The following CLCN5 variants were observed in gnomAD, a reference collection of about 807,000 sequenced individuals.
CLCN5 encodes H(+)/Cl(-) exchange transporter 5.
CLCN5 carries 17 observed loss-of-function variants against 54.0 expected under a neutral mutation model. The ratio of observed to expected loss-of-function variants is 0.31; its 90% CI spans 0.22 to 0.47. CLCN5 has a LOEUF of 0.47. Among genes scored for constraint, CLCN5 ranks in the 20% least tolerant of loss-of-function variants. CLCN5 has a pLI of 1.00. For synonymous variants in CLCN5, 222 were observed against 233.0 expected (o/e 0.95, Z 0.43); for missense variants, 448 against 646.7 (o/e 0.69, Z 3.33).
At chrX:49,990,502 T>C (rs1230467862) in intron 3 of CLCN5, among the ~76,000 whole-genome samples, 1 of 107,592 alleles carries the variant, frequency 9.3e-6, no homozygotes, top group African/African-American at 3.4e-5. Flanking sequence ...CAGTGATGCA[T>C]TCTTGGCTCA....
chrX:49,925,098 G>T, intron 2 of CLCN5, 73 bp from the exon 3 acceptor site: 1 of 471,145 alleles, frequency 2.1e-6, no homozygotes. Flanking sequence ...TCAGAGAGGA[G>T]CAGGAGATAA....
chrX:50,079,686 C>T (rs140460156), intron 7 of CLCN5, among the ~76,000 whole-genome samples: 1,551 of 111,362 alleles, frequency 0.014, 24 homozygotes, highest in African/African-American at 0.048. Flanking sequence ...GTTCCTGAGT[C>T]TGTGGTACCA....
chrX:49,953,344 C>T (rs962740015), intron 3 of CLCN5, among the ~76,000 whole-genome samples: 4 of 111,822 alleles, frequency 3.6e-5, no homozygotes, highest in African/African-American at 1.3e-4. Context: ...CTCACTCTGT[C>T]GCCCAAGCTG....
chrX:50,086,204 G>T, intron 10 of CLCN5, 124 bp from the exon 11 acceptor site: 1 of 903,220 alleles, frequency 1.1e-6, no homozygotes. Context: ...GCTTTACCAT[G>T]TGACTAGAAA....
At chrX:49,998,781 G>T (rs1929653401) in intron 3 of CLCN5, among the ~76,000 whole-genome samples, 1 of 110,993 alleles carries the variant, frequency 9.0e-6, no homozygotes, top group Non-Finnish European at 1.9e-5. Flanking sequence ...GTCTGTGGGA[G>T]AGCAAGCCAT....
intron 8 of CLCN5, among the ~76,000 whole-genome samples, chrX:50,081,079 T>G (rs1933677622): frequency 8.9e-6 from 1 of 111,961 alleles, no homozygotes; most frequent in Admixed American, 9.5e-5. Context: ...TCCCACAATA[T>G]GATTTAGGCT....
chrX:49,938,354 A>C (rs1230548315), intron 3 of CLCN5, among the ~76,000 whole-genome samples: 1 of 111,762 alleles, frequency 8.9e-6, no homozygotes, highest in Non-Finnish European at 1.9e-5. Context: ...CAAAAGAACA[A>C]AGCTGGAGAC....
chrX:49,928,741 C>T (rs1052435576), intron 3 of CLCN5, among the ~76,000 whole-genome samples: 3 of 111,455 alleles, frequency 2.7e-5, no homozygotes, highest in Non-Finnish European at 5.7e-5. Context: ...CTGGCTAACA[C>T]GGTGAAACCC....
At position 50,084,968 on chromosome X, in the gene CLCN5, C is replaced by T. The variant is rs181730341; in HGVS notation, c.934-1012C>T. 7.1e-3 allele frequency among the ~76,000 whole-genome samples: 792 copies of T among 111,846 alleles called. 8 individuals carry two copies. The highest frequency in any genetic ancestry group is 0.024 in the African/African-American group (728 of 30,744). On this transcript the variant is annotated intron_variant, in intron 9 of 14. Coordinates refer to ENST00000376091, the MANE Select transcript of CLCN5 (RefSeq NM_001127898.4). ...CAAGTTGCATGTTGGCTGTCCTCAT[C>T]TTTCTTAAATGAAAGCCATTGTAGC...
intron 5 of CLCN5, 52 bp downstream of exon 5, chrX:50,070,082 A>ATTCTTAACATT: frequency 9.3e-7 from 1 of 1,069,816 alleles, no homozygotes; most frequent in Non-Finnish European, 1.3e-6. Context: ...AGGGGAAGAA[A>ATTCTTAACATT]TTGAAGATAC....
intron 6 of CLCN5, among the ~76,000 whole-genome samples, chrX:50,072,845 T>TA (rs1477599522): frequency 9.0e-6 from 1 of 111,375 alleles, no homozygotes; most frequent in Non-Finnish European, 1.9e-5. Flanking sequence ...AAGGTGATGT[T>TA]AGCCCTTTGG....
intron 3 of CLCN5, among the ~76,000 whole-genome samples, chrX:49,964,155 T>C (rs1025833294): frequency 7.1e-5 from 8 of 112,250 alleles, no homozygotes; most frequent in Middle Eastern, 4.6e-3. Flanking sequence ...ACTTCTAAGA[T>C]ATGTTCTTCA....
chrX:49,936,777 A>G (rs1311728812), intron 3 of CLCN5, among the ~76,000 whole-genome samples: 1 of 112,008 alleles, frequency 8.9e-6, no homozygotes, highest in African/African-American at 3.2e-5. Context: ...GAATCTTCTC[A>G]AAAGGAACTG....
At chrX:49,980,408 A>G (rs1427980737) in intron 3 of CLCN5, among the ~76,000 whole-genome samples, 1 of 112,078 alleles carries the variant, frequency 8.9e-6, no homozygotes, top group East Asian at 2.8e-4. Flanking sequence ...ATATCAGCCA[A>G]ATTTCCAAAA....
intron 7 of CLCN5, among the ~76,000 whole-genome samples, chrX:50,079,232 C>CA (rs1569540191): frequency 1.8e-5 from 2 of 111,698 alleles, no homozygotes; most frequent in East Asian, 5.6e-4. Context: ...ATTGGAAAGG[C>CA]AAAGAAATAG....
At chrX:50,031,052 C>A (rs1156785795) in intron 3 of CLCN5, among the ~76,000 whole-genome samples, 1 of 111,730 alleles carries the variant, frequency 9.0e-6, no homozygotes, top group Non-Finnish European at 1.9e-5. Flanking sequence ...CTCTTGAAAG[C>A]CTGTATAACA....
intron 5 of CLCN5, among the ~76,000 whole-genome samples, chrX:50,072,071 C>T (rs868914258): frequency 1.8e-5 from 2 of 111,854 alleles, no homozygotes; most frequent in South Asian, 3.8e-4. Flanking sequence ...CCACAGCCCC[C>T]AGGTAGTAAG....
chrX:50,070,796 C>A (rs1261252363), intron 5 of CLCN5, among the ~76,000 whole-genome samples: 1 of 111,031 alleles, frequency 9.0e-6, no homozygotes, highest in Non-Finnish European at 1.9e-5. Flanking sequence ...TTTGAAGTAC[C>A]GTGAAAACTT....
chrX:50,001,713 G>C (rs891426793), intron 3 of CLCN5, among the ~76,000 whole-genome samples: 1 of 104,018 alleles, frequency 9.6e-6, no homozygotes, highest in East Asian at 3.1e-4. Flanking sequence ...AGAACATGTG[G>C]TGTTTGGTTT....
Sources: allele counts gnomAD v4.1 joint callset (sites outside exome capture counted in the v4.1 genomes callset), GRCh38; gene constraint gnomAD v4.1.1; transcripts MANE v1.5; gene names NCBI Gene and HGNC (gene_info 2026-07-23, HGNC 2026-07-21).